The following IGDCC4 variants were observed in gnomAD, a reference collection of about 807,000 sequenced individuals.
IGDCC4 encodes immunoglobulin superfamily DCC subclass member 4, also known as likely ortholog of mouse neighbor of Punc E11.
Under a neutral mutation model 116.6 loss-of-function variants are expected in IGDCC4, and 72 were observed. The ratio of observed to expected loss-of-function variants is 0.62; its 90% CI spans 0.51 to 0.75. IGDCC4 has a LOEUF of 0.75. Ranked by LOEUF, IGDCC4 falls within the 30% of genes least tolerant of loss-of-function variation. The pLI, the probability that IGDCC4 is intolerant of heterozygous loss-of-function variation, is 0.00. For missense variants in IGDCC4, 1,501 were observed against 1,662.4 expected (o/e 0.90, Z 1.69); for synonymous variants, 709 against 719.9 (o/e 0.98, Z 0.24).
At chr15:65,419,928 C>T (rs1022677412) in intron 1 of IGDCC4, among the ~76,000 whole-genome samples, 2 of 152,084 alleles carry the variant, frequency 1.3e-5, no homozygotes, top group Non-Finnish European at 2.9e-5. Context: ...CTTCATTCTG[C>T]CTCATGTTTT....
At chr15:65,394,069 C>T (rs1396711925) in intron 9 of IGDCC4, among the ~76,000 whole-genome samples, 1 of 152,194 alleles carries the variant, frequency 6.6e-6, no homozygotes, top group Non-Finnish European at 1.5e-5. Context: ...GGCACGATCA[C>T]AGTTCCCTGC....
At chr15:65,396,216 G>GGCCCCCC in intron 6 of IGDCC4, 53 bp from the exon 7 acceptor site, 1 of 1,188,160 alleles carries the variant, frequency 8.4e-7, no homozygotes. Flanking sequence ...TAAGGTCTCT[G>GGCCCCCC]CCCCCCCCCC....
intron 3 of IGDCC4, among the ~76,000 whole-genome samples, chr15:65,406,861 A>C (rs2063045333): frequency 6.6e-6 from 1 of 152,096 alleles, no homozygotes; most frequent in Non-Finnish European, 1.5e-5. Flanking sequence ...ATGACGCCTG[A>C]GCTAGACGTT....
At chr15:65,390,648 G>A (rs1313445804) in intron 12 of IGDCC4, among the ~76,000 whole-genome samples, 1 of 152,186 alleles carries the variant, frequency 6.6e-6, no homozygotes, top group East Asian at 1.9e-4. Flanking sequence ...CTTACTAGCT[G>A]TGTGACCTTG....
At chr15:65,413,144 T>C (rs2063113863) in intron 1 of IGDCC4, among the ~76,000 whole-genome samples, 1 of 151,262 alleles carries the variant, frequency 6.6e-6, no homozygotes. Context: ...AGTCAGACAT[T>C]CCCCCTTCCC....
chr15:65,401,526 A>G (rs552432878), intron 4 of IGDCC4, among the ~76,000 whole-genome samples: 9 of 152,224 alleles, frequency 5.9e-5, no homozygotes, highest in African/African-American at 1.9e-4. Context: ...CCTTGAACAG[A>G]AGAAAGACGA....
intron 2 of IGDCC4, chr15:65,410,557 A>G: frequency 5.3e-6 from 3 of 563,860 alleles, no homozygotes; most frequent in South Asian, 4.1e-5. Context: ...TGGTCAAACT[A>G]TACAGTAAGA....
At position 65,396,973 on chromosome 15, in the gene IGDCC4, G is replaced by A. The variant is rs1164828817; in HGVS notation, c.858C>T (p.Ser286=). 3 of 1,581,228 alleles carry A rather than the reference G, an allele frequency of 1.9e-6. No homozygotes were observed. The highest frequency in any genetic ancestry group is 2.6e-6 in the Non-Finnish European group (3 of 1,163,252). The change falls in exon 6 of 20, where the codon TCC becomes TCT. Residue 286 remains serine (S), a synonymous_variant. Coordinates refer to ENST00000352385, the MANE Select transcript of IGDCC4 (RefSeq NM_020962.3). ...SWVRQDGKPI[S]TDVIVLGRTN... ...TGCGGCCCAGGACGATGACATCTGT[G>A]GAGATGGGCTTCCCGTCTGGGGAAG...
intron 1 of IGDCC4, among the ~76,000 whole-genome samples, chr15:65,419,812 T>TA (rs2063174216): frequency 6.6e-6 from 1 of 152,184 alleles, no homozygotes; most frequent in Non-Finnish European, 1.5e-5. Flanking sequence ...AGAACAGAGC[T>TA]CGGCTTCTCG....
At chr15:65,409,167 T>G (rs2063066258) in intron 3 of IGDCC4, among the ~76,000 whole-genome samples, 1 of 152,014 alleles carries the variant, frequency 6.6e-6, no homozygotes. Context: ...CTCACCCTCT[T>G]CCTCCCTCAC....
chr15:65,404,905 G>A (rs1016365618), intron 3 of IGDCC4, among the ~76,000 whole-genome samples: 3 of 152,118 alleles, frequency 2.0e-5, no homozygotes, highest in African/African-American at 7.2e-5. Context: ...ACAAAAATTA[G>A]CCAAGGCATG....
Position 65,411,378 on chromosome 15 carries a change from G to C in IGDCC4, c.71-8C>G. On this transcript the variant is annotated splice_polypyrimidine_tract_variant and splice_region_variant and intron_variant, in intron 1 of 19. Coordinates refer to ENST00000352385, the MANE Select transcript of IGDCC4 (RefSeq NM_020962.3). ...GGGGCAACAGCAGCTCCCCTGCATA[G>C]AGGAGGAGCACGGGGCCATCAGTGT... The C allele has an allele frequency of 2.6e-6, 4 of 1,549,632 alleles. No homozygotes were observed. The highest frequency in any genetic ancestry group is 1.7e-6 in the Non-Finnish European group (2 of 1,145,160).
At chr15:65,403,377 T>A (rs1180629967) in intron 3 of IGDCC4, among the ~76,000 whole-genome samples, 1 of 152,182 alleles carries the variant, frequency 6.6e-6, no homozygotes, top group Non-Finnish European at 1.5e-5. Context: ...GGAGGGGACC[T>A]GGGATCCAGG....
intron 3 of IGDCC4, among the ~76,000 whole-genome samples, chr15:65,407,404 G>A (rs1185379898): frequency 6.6e-6 from 1 of 152,052 alleles, no homozygotes; most frequent in Non-Finnish European, 1.5e-5. Context: ...GTGCAATGGT[G>A]TGATCTTGGC....
In IGDCC4 at chr15:65,393,547, A is replaced by G; in HGVS notation, c.1715-16T>C. On this transcript the variant is annotated splice_polypyrimidine_tract_variant and intron_variant, in intron 9 of 19. Transcript: ENST00000352385. The surrounding 1 kb of genome is among the most constrained non-coding windows in gnomAD (Gnocchi z 4.6). The stretch of plus-strand genomic sequence containing the variant: ...AAAATCTGATCTGCAGGGACAGAAA[A>G]GGTGGGCTGCTGGGTAGCCACCTGA... 3 of 1,576,838 alleles carry G rather than the reference A, an allele frequency of 1.9e-6. No individual in the cohort carries two copies. In the South Asian group the frequency reaches 3.5e-5, roughly 18 times the overall value.
intron 16 of IGDCC4, among the ~76,000 whole-genome samples, chr15:65,387,343 T>TTTTTTG (rs367733758): frequency 0.073 from 11,001 of 151,294 alleles, 509 homozygotes; most frequent in South Asian, 0.13. Flanking sequence ...ACCTCTAGCT[T>TTTTTTG]TTTTTGTTTT....
At chr15:65,403,409 G>A (rs1344053657) in intron 3 of IGDCC4, among the ~76,000 whole-genome samples, 1 of 152,136 alleles carries the variant, frequency 6.6e-6, no homozygotes, top group African/African-American at 2.4e-5. Context: ...GGGAGGGACT[G>A]ACTTTTTATT....
At chr15:65,408,603 G>T (rs1425387102) in intron 3 of IGDCC4, among the ~76,000 whole-genome samples, 1 of 152,206 alleles carries the variant, frequency 6.6e-6, no homozygotes, top group African/African-American at 2.4e-5. Flanking sequence ...CTCCAGGAGG[G>T]AGATTTACAG....
chr15:65,402,396 G>A lies in IGDCC4; in HGVS notation c.655C>T (p.Arg219Cys), dbSNP rs753045334. 5.7e-5 allele frequency: 90 copies of A among 1,571,560 alleles called. No homozygotes were observed. The highest frequency in any genetic ancestry group is 9.3e-5 in the Admixed American group (5 of 53,780). The part of the protein sequence containing the change: ...PYRCVATNSA[R>C]QHFSQEALLS... Reference sequence around the variant, plus strand: ...AGGGCCTCCTGGCTGAAGTGCTGGCGAGCTGAGTTGGTGGCCACGCAGCGG... The same window carrying A: ...AGGGCCTCCTGGCTGAAGTGCTGGCAAGCTGAGTTGGTGGCCACGCAGCGG... Residue 219 changes from arginine to cysteine, a missense_variant, in exon 4 of 20, where the codon CGC becomes TGC. This residue lies in a region of IGDCC4 where 898 missense variants were observed against 978.9 expected (regional missense o/e 0.92). Transcript: ENST00000352385.
Sources: allele counts gnomAD v4.1 joint callset (sites outside exome capture counted in the v4.1 genomes callset), GRCh38; gene constraint gnomAD v4.1.1; regional missense constraint gnomAD v4.1.1; non-coding constraint Gnocchi (gnomAD v3.1); transcripts MANE v1.5; gene names NCBI Gene and HGNC (gene_info 2026-07-23, HGNC 2026-07-21).